The following PICALM variants were observed in gnomAD, a reference collection of about 807,000 sequenced individuals.
PICALM encodes the protein phosphatidylinositol binding clathrin assembly protein, also known as phosphatidylinositol-binding clathrin assembly protein.
Under a neutral mutation model 80.5 loss-of-function variants are expected in PICALM, and 40 were observed. That is an observed-to-expected ratio of 0.50 (90% CI 0.39 to 0.65). The LOEUF is 0.65. Among genes scored for constraint, PICALM ranks in the 30% least tolerant of loss-of-function variants. PICALM has a pLI of 0.00. For missense variants in PICALM, 676 were observed against 778.9 expected (o/e 0.87, Z 1.57); for synonymous variants, 288 against 260.3 (o/e 1.11, Z -1.02).
At chr11:86,008,081 A>G (rs998246193) in intron 7 of PICALM, among the ~76,000 whole-genome samples, 1 of 152,226 alleles carries the variant, frequency 6.6e-6, no homozygotes, top group Non-Finnish European at 1.5e-5. Context: ...CAGGTAGGCC[A>G]GGTTTACATA....
chr11:85,985,246 C>G (rs181762766), intron 13 of PICALM, among the ~76,000 whole-genome samples: 1 of 152,244 alleles, frequency 6.6e-6, no homozygotes, highest in African/African-American at 2.4e-5. Context: ...AGAGACTGAT[C>G]TCAAAGAAAA....
chr11:85,991,981 G>A lies in PICALM; in HGVS notation c.1259-1582C>T, dbSNP rs374860922. Among the ~76,000 whole-genome samples, 199 of 152,050 alleles carry A rather than the reference G, an allele frequency of 1.3e-3. 2 individuals are homozygous for A. The South Asian group carries it at 0.021, about 16-fold the overall frequency. Reference sequence around the variant, plus strand: ...AGTGATGCTCCCACCTCAGCCTTCCGAGTAGCTGAGACTACAGGCATGTGC... The same window carrying A: ...AGTGATGCTCCCACCTCAGCCTTCCAAGTAGCTGAGACTACAGGCATGTGC... On this transcript the variant is annotated intron_variant, in intron 12 of 19. Coordinates refer to ENST00000393346, the MANE Select transcript of PICALM (RefSeq NM_007166.4).
intron 1 of PICALM, among the ~76,000 whole-genome samples, chr11:86,065,246 G>GACCATC (rs899811099): frequency 6.6e-6 from 1 of 152,150 alleles, no homozygotes; most frequent in African/African-American, 2.4e-5. Flanking sequence ...AAGAGATCCA[G>GACCATC]ACCATCCTGG....
intron 19 of PICALM, chr11:85,974,423 A>G (rs1376672062): frequency 3.6e-6 from 2 of 556,250 alleles, no homozygotes; most frequent in East Asian, 4.5e-5. Flanking sequence ...CAGAATCACG[A>G]AGAGCAAGTA....
chr11:85,957,469 A>G lies in PICALM; in HGVS notation c.*1577T>C, dbSNP rs1048482454. 3.3e-5 allele frequency among the ~76,000 whole-genome samples: 5 copies of G among 152,256 alleles called. No homozygotes were observed. Among genetic ancestry groups the G allele is most frequent in the South Asian group, 4.1e-4 (2 of 4,838 alleles). On this transcript the variant is annotated 3_prime_UTR_variant, in exon 20 of 20. Transcript: ENST00000393346. ...AAAAGACAAAAAGTGAACAATTTTA[A>G]TAAGTAGTTGCATTTATCAATAAGA... is the stretch of plus-strand genomic sequence containing the variant.
At chr11:85,972,162 C>A (rs2094133013) in intron 19 of PICALM, among the ~76,000 whole-genome samples, 2 of 152,130 alleles carry the variant, frequency 1.3e-5, no homozygotes, top group Admixed American at 1.3e-4. Flanking sequence ...AACTCATACA[C>A]AATGTTTCAA....
chr11:85,996,876 G>T lies in PICALM; in HGVS notation c.1208C>A (p.Pro403Gln), dbSNP rs1483621636. 2 of 1,612,778 alleles carry T rather than the reference G, an allele frequency of 1.2e-6. No individual in the cohort carries two copies. The highest frequency in any genetic ancestry group is 3.3e-5 in the Admixed American group (2 of 59,904). The change falls in exon 12 of 20, where the codon CCA becomes CAA. Residue 403 changes from proline (P) to glutamine (Q), a missense_variant. By Grantham distance (76) the Pro-to-Gln change is moderately conservative (BLOSUM62 -1). Transcript: ENST00000393346. ...AGCAGTTGACATAGGATGTACAGAT[G>T]GGTGAAAAGTTGGCTGCTGCAAATC... ...LLDLQQPTFH[P>Q]SVHPMSTASQ...
chr11:86,051,984 CAT>C (rs2096196845), intron 1 of PICALM, among the ~76,000 whole-genome samples: 1 of 152,192 alleles, frequency 6.6e-6, no homozygotes, highest in Non-Finnish European at 1.5e-5. Flanking sequence ...TTGCCCAAGA[CAT>C]AGAAAGGTTT....
chr11:85,983,304 G>C (rs1178704121), intron 14 of PICALM, among the ~76,000 whole-genome samples: 3 of 152,110 alleles, frequency 2.0e-5, no homozygotes, highest in Non-Finnish European at 4.4e-5. Context: ...AAAACACAAA[G>C]TGGAAACCTG....
Position 86,069,051 on chromosome 11 carries a change from G to A in PICALM, c.-271C>T, listed in dbSNP as rs2096486622. On this transcript the variant is annotated 5_prime_UTR_variant, in exon 1 of 20. Transcript: ENST00000393346. Reference sequence around the variant, plus strand: ...TTCCCGGGTCAGCTGGAGCCGGGCAGGGTAAGAGGAACAGGCAGCTGCAGG... The same window carrying A: ...TTCCCGGGTCAGCTGGAGCCGGGCAAGGTAAGAGGAACAGGCAGCTGCAGG... The A allele has an allele frequency of 4.8e-6, 2 of 416,852 alleles. No individual in the cohort carries two copies. Among genetic ancestry groups the A allele is most frequent in the South Asian group, 7.2e-5 (2 of 27,898 alleles). The allele number at this position is 416,852 out of a possible 1,614,324, so 25.8% of individuals were successfully genotyped here.
At chr11:86,063,576 G>A (rs990782461) in intron 1 of PICALM, among the ~76,000 whole-genome samples, 1 of 152,044 alleles carries the variant, frequency 6.6e-6, no homozygotes, top group African/African-American at 2.4e-5. Context: ...ACATATCTGG[G>A]AGGAAAAAGG....
At chr11:85,960,908 T>C (rs2093666469) in intron 19 of PICALM, 1 of 313,850 alleles carries the variant, frequency 3.2e-6, no homozygotes, top group Non-Finnish European at 6.1e-6. Flanking sequence ...GGGCAGTCTT[T>C]GTAGAAAATG....
chr11:85,971,925 G>C (rs112135579), intron 19 of PICALM, among the ~76,000 whole-genome samples: 3 of 152,130 alleles, frequency 2.0e-5, no homozygotes, highest in South Asian at 2.1e-4. Context: ...TGGGATTCCA[G>C]ACATGCACCA....
chr11:86,021,495 T>TAAAAAAAAAA (rs199635223), intron 4 of PICALM, among the ~76,000 whole-genome samples: 1 of 134,096 alleles, frequency 7.5e-6, no homozygotes, highest in Non-Finnish European at 1.6e-5. Flanking sequence ...GGCTACCATT[T>TAAAAAAAAAA]AAGAAAAAAA....
intron 19 of PICALM, among the ~76,000 whole-genome samples, chr11:85,971,014 T>C (rs1046200930): frequency 2.0e-5 from 3 of 152,154 alleles, no homozygotes; most frequent in Non-Finnish European, 2.9e-5. Flanking sequence ...GGTCTAATTA[T>C]AGCAGAGGAA....
chr11:86,050,043 T>C (rs1278396361), intron 1 of PICALM, among the ~76,000 whole-genome samples: 1 of 150,402 alleles, frequency 6.6e-6, no homozygotes, highest in African/African-American at 2.4e-5. Context: ...CTACTAAAAA[T>C]AAAATACAAA....
chr11:86,038,442 A>T (rs2095881306), intron 1 of PICALM, among the ~76,000 whole-genome samples: 1 of 152,206 alleles, frequency 6.6e-6, no homozygotes, highest in African/African-American at 2.4e-5. Context: ...AATCTCTTAC[A>T]ATGGTAAATG....
In PICALM at chr11:86,069,072, G is replaced by A. The variant is rs2096486785; in HGVS notation, c.-292C>T. On this transcript the variant is annotated 5_prime_UTR_variant, in exon 1 of 20. Coordinates refer to ENST00000393346, the MANE Select transcript of PICALM (RefSeq NM_007166.4). ...GGCAGGGTAAGAGGAACAGGCAGCT[G>A]CAGGAAAATGGCGGCGCCAGGCTCC... 1 of 343,232 alleles carries A rather than the reference G, an allele frequency of 2.9e-6. No individual in the cohort carries two copies. The highest frequency in any genetic ancestry group is 5.4e-6 in the Non-Finnish European group (1 of 185,536). 21.3% of individuals were successfully genotyped at this position (343,232 alleles called of 1,614,324 possible).
chr11:86,001,649 G>A (rs986326594), intron 9 of PICALM, among the ~76,000 whole-genome samples: 1 of 152,184 alleles, frequency 6.6e-6, no homozygotes, highest in Non-Finnish European at 1.5e-5. Flanking sequence ...CATCCCCAGA[G>A]GACTTCAGGT....
Sources: allele counts gnomAD v4.1 joint callset (sites outside exome capture counted in the v4.1 genomes callset), GRCh38; gene constraint gnomAD v4.1.1; transcripts MANE v1.5; gene names NCBI Gene and HGNC (gene_info 2026-07-23, HGNC 2026-07-21).